The following SRPRA variants were observed in gnomAD, a reference collection of about 807,000 sequenced individuals.
SRPRA encodes the protein signal recognition particle receptor subunit alpha.
In SRPRA, 30 loss-of-function variants were observed where a neutral mutation model predicts 61.1. The ratio of observed to expected loss-of-function variants is 0.49; its 90% confidence interval spans 0.37 to 0.67. The LOEUF (loss-of-function observed/expected upper bound fraction) is 0.67. Ranked by LOEUF, SRPRA falls within the 30% of genes least tolerant of loss-of-function variation. The pLI is 0.00. For missense variants in SRPRA, 759 were observed against 828.4 expected (o/e 0.92, Z 1.03); for synonymous variants, 324 against 299.7 (o/e 1.08, Z -0.84).
Position 126,264,623 on chromosome 11 carries a change from G to A in SRPRA, c.1526-84C>T, listed in dbSNP as rs1472180685. The A allele has an allele frequency of 6.7e-7, 1 of 1,501,788 alleles. No individual in the cohort carries two copies. The highest frequency in any genetic ancestry group is 9.0e-7 in the Non-Finnish European group (1 of 1,106,516). 93.0% of individuals were successfully genotyped at this position (1,501,788 alleles called of 1,614,324 possible). A position where few individuals can be genotyped will look rare whatever the true frequency, so the allele number is the denominator to read the frequency against. ...GCTTCCTCTCAAAAAGTCCTAGTTT[G>A]ACTACCTGTTCACTGTCTTGGGCTC... is the stretch of plus-strand genomic sequence containing the variant. On this transcript the variant is annotated intron_variant, in intron 11 of 13. Transcript: ENST00000332118. This position sits in a 1 kb window ranked among gnomAD's most constrained non-coding sequence, Gnocchi z 5.0.
Position 126,267,708 on chromosome 11 carries a change from C to A in SRPRA, c.206G>T (p.Gly69Val), listed in dbSNP as rs1382605930. ...DNQFELVFVV[G>V]FQKILTLTYV... ...TGTCAGTGTCAGGATCTTCTGAAAA[C>A]CAACCTGTTTAGGGGAAGAAACAGC... Residue 69 changes from glycine to valine, a missense_variant, in exon 3 of 14, where the codon GGT (glycine) becomes GTT (valine). By Grantham distance (109) the Gly-to-Val change is moderately radical. Around this residue, in one of 2 missense-constraint regions of SRPRA, gnomAD observed 475 missense variants for 462.5 expected, o/e 1.03. Transcript: ENST00000332118. The surrounding 1 kb of genome is among the most constrained non-coding windows in gnomAD (Gnocchi z 4.2). The A allele has an allele frequency of 6.2e-7, 1 of 1,613,988 alleles. No homozygotes were observed. The highest frequency in any genetic ancestry group is 1.1e-5 in the South Asian group (1 of 91,078).
the SRPRA span, chr11:126,256,794 C>T: frequency 6.2e-6 from 10 of 1,612,226 alleles, no homozygotes; most frequent in Admixed American, 5.0e-5. The surrounding 1 kb of genome is among the most constrained non-coding windows in gnomAD (Gnocchi z 6.6). Context: ...ATGACTATGC[C>T]GATCTTCCAG....
In SRPRA at chr11:126,264,329, A is replaced by G. The variant is rs1950762873; in HGVS notation, c.1690-40T>C. 6.2e-7 allele frequency: 1 copy of G among 1,613,404 alleles called. No homozygotes were observed. The highest frequency in any genetic ancestry group is 8.5e-7 in the Non-Finnish European group (1 of 1,179,532). ...TGATAGAAGTGTAAGAACCATCTAA[A>G]TTGACCAAAGCTCAAGTTGTAAAGG... On this transcript the variant is annotated intron_variant, in intron 12 of 13. Transcript: ENST00000332118. The surrounding 1 kb of genome is among the most constrained non-coding windows in gnomAD (Gnocchi z 5.0).
At chr11:126,255,631 G>A in the SRPRA span, among the ~76,000 whole-genome samples, 1 of 152,182 alleles carries the variant, frequency 6.6e-6, no homozygotes, top group Non-Finnish European at 1.5e-5. The surrounding 1 kb of genome is among the most constrained non-coding windows in gnomAD (Gnocchi z 4.6). Flanking sequence ...GAAGGATTAA[G>A]ATATATGAAG....
At chr11:126,242,793 G>A in the SRPRA span, among the ~76,000 whole-genome samples, 1 of 152,230 alleles carries the variant, frequency 6.6e-6, no homozygotes, top group Non-Finnish European at 1.5e-5. Flanking sequence ...TGATGCAGTT[G>A]CTTTGGAAAA....
chr11:126,248,292 CAAGAA>C, the SRPRA span, among the ~76,000 whole-genome samples: 1 of 126,084 alleles, frequency 7.9e-6, no homozygotes, highest in Non-Finnish European at 1.6e-5. Flanking sequence ...TTTGGGTAGA[CAAGAA>C]AAGAGCACCA....
the SRPRA span, among the ~76,000 whole-genome samples, chr11:126,237,066 G>A: frequency 3.8e-5 from 5 of 130,834 alleles, no homozygotes; most frequent in Admixed American, 1.5e-4. Context: ...ACAGGCGCCC[G>A]CCACCATGCC....
rs1233556537 is a variant in SRPRA at position 126,264,018 on chromosome 11, G to A, written c.1815C>T (p.Tyr605=). Residue 605 remains tyrosine (Y), a synonymous_variant, in exon 14 of 14, where the codon TAC becomes TAT. Transcript: ENST00000332118. The surrounding 1 kb of genome is among the most constrained non-coding windows in gnomAD (Gnocchi z 5.0). ...DKVGAAISMT[Y]ITSKPIVFVG... is the part of the protein sequence containing the mutation. ...CAAAGACGATGGGTTTGCTTGTGATGTACGTCATAGAAATAGCAGCTCCCA... is the reference window on the plus strand; with the variant it reads ...CAAAGACGATGGGTTTGCTTGTGATATACGTCATAGAAATAGCAGCTCCCA... 1.2e-6 allele frequency: 2 copies of A among 1,614,152 alleles called. No individual in the cohort carries two copies. Among genetic ancestry groups the A allele is most frequent in the South Asian group, 2.2e-5 (2 of 91,084 alleles).
chr11:126,265,614 T>TA lies in SRPRA; in HGVS notation c.1138+122dup. 1 of 1,271,496 alleles carries TA rather than the reference T, an allele frequency of 7.9e-7. No individual in the cohort carries two copies. The highest frequency in any genetic ancestry group is 1.1e-6 in the Non-Finnish European group (1 of 899,734). The allele number at this position is 1,271,496 out of a possible 1,614,324, so 78.8% of individuals were successfully genotyped here. ...CTCACTGAATCCTCTCAATAACCCT[T>TA]AAAATCTAGGTTACAGAGGTTTAGA... On this transcript the variant is annotated intron_variant, in intron 9 of 13. Transcript: ENST00000332118. This position sits in a 1 kb window ranked among gnomAD's most constrained non-coding sequence, Gnocchi z 6.3.
chr11:126,262,533 T>C, downstream of SRPRA: 1 of 205,652 alleles, frequency 4.9e-6, no homozygotes, highest in Non-Finnish European at 9.7e-6. Context: ...TACTTGGTTT[T>C]TCAATTAAGC....
chr11:126,245,782 AGGTC>A, the SRPRA span, among the ~76,000 whole-genome samples: 5 of 152,142 alleles, frequency 3.3e-5, no homozygotes, highest in African/African-American at 1.2e-4. Context: ...GGATCACCTG[AGGTC>A]GGAAGTTCGA....
At chr11:126,241,195 C>A in the SRPRA span, 2 of 817,550 alleles carry the variant, frequency 2.4e-6, no homozygotes, top group Non-Finnish European at 3.7e-6. Flanking sequence ...GACTCTTCTG[C>A]GCAATGTCTG....
chr11:126,266,791 T>G lies in SRPRA; in HGVS notation c.658A>C (p.Lys220Gln). Reference protein sequence around the residue: ...IRRKREEFIQKHGRGMEKSNK... With the variant: ...IRRKREEFIQQHGRGMEKSNK... ...GACTTCTCCATACCCCTCCCATGCT[T>G]CTGAATGAACTCCTCGCGCTTCCTG... The change falls in exon 5 of 14, where the codon AAG becomes CAG. Residue 220 changes from lysine to glutamine, a missense_variant. Lys to Gln is a moderately conservative substitution (Grantham distance 53). Around this residue, in one of 2 missense-constraint regions of SRPRA, gnomAD observed 475 missense variants for 462.5 expected, o/e 1.03. Coordinates refer to ENST00000332118, the MANE Select transcript of SRPRA (RefSeq NM_003139.4). 6.2e-7 allele frequency: 1 copy of G among 1,614,190 alleles called. No individual in the cohort carries two copies. The highest frequency in any genetic ancestry group is 8.5e-7 in the Non-Finnish European group (1 of 1,180,040).
chr11:126,265,776 C>T lies in SRPRA; in HGVS notation c.1099G>A (p.Ala367Thr), dbSNP rs1950797350. 2 of 1,614,084 alleles carry T rather than the reference C, an allele frequency of 1.2e-6. No individual in the cohort carries two copies. Among genetic ancestry groups the T allele is most frequent in the African/African-American group, 1.3e-5 (1 of 74,922 alleles). The change falls in exon 9 of 14, where the codon GCC becomes ACC. Residue 367 changes from alanine to threonine, a missense_variant. Coordinates refer to ENST00000332118, the MANE Select transcript of SRPRA (RefSeq NM_003139.4). This position sits in a 1 kb window ranked among gnomAD's most constrained non-coding sequence, Gnocchi z 6.3. Reference sequence around the variant, plus strand: ...ATCACCTTCCCTTCCAACTTGTTGGCAACAGATTCACAGAGCTGGACGGCA... The same window carrying T: ...ATCACCTTCCCTTCCAACTTGTTGGTAACAGATTCACAGAGCTGGACGGCA... ...DIAVQLCESV[A>T]NKLEGKVMGT...
chr11:126,267,661 C>G lies in SRPRA; in HGVS notation c.253G>C (p.Asp85His). 6.2e-7 allele frequency: 1 copy of G among 1,614,152 alleles called. No individual in the cohort carries two copies. Among genetic ancestry groups the G allele is most frequent in the South Asian group, 1.1e-5 (1 of 91,084 alleles). ...TTGTCCCGAAACAGCCGATGCACGT[C>G]ATCTATCAATTTGTCTACATATGTC... ...TLTYVDKLIDDVHRLFRDKYR... is the reference protein window; with the variant it reads ...TLTYVDKLIDHVHRLFRDKYR... The change falls in exon 3 of 14, where the codon GAC becomes CAC. Residue 85 changes from aspartate to histidine, a missense_variant. This residue lies in a region of SRPRA where 475 missense variants were observed against 462.5 expected (regional missense o/e 1.03). Coordinates refer to ENST00000332118, the MANE Select transcript of SRPRA (RefSeq NM_003139.4). This position sits in a 1 kb window ranked among gnomAD's most constrained non-coding sequence, Gnocchi z 4.2.
downstream of SRPRA, among the ~76,000 whole-genome samples, chr11:126,258,491 T>G (rs533977586): frequency 2.0e-5 from 3 of 152,342 alleles, no homozygotes; most frequent in Non-Finnish European, 4.4e-5. Context: ...AGTAGAATTC[T>G]CCTGTAATGA....
the SRPRA span, among the ~76,000 whole-genome samples, chr11:126,248,166 AAAAAT>A: frequency 1.6e-3 from 246 of 150,334 alleles, no homozygotes; most frequent in Non-Finnish European, 3.0e-3. Context: ...AAAATAAATA[AAAAAT>A]AAAATAAAAT....
the SRPRA span, among the ~76,000 whole-genome samples, chr11:126,251,863 G>T: frequency 1.9e-4 from 29 of 151,350 alleles, no homozygotes; most frequent in Non-Finnish European, 3.8e-4. Flanking sequence ...TGTATTTTTG[G>T]TAGAGACGGG....
Position 126,265,084 on chromosome 11 carries a change from G to T in SRPRA, c.1400C>A (p.Thr467Lys). 6.2e-7 allele frequency: 1 copy of T among 1,614,124 alleles called. No individual in the cohort carries two copies. Among genetic ancestry groups the T allele is most frequent in the Non-Finnish European group, 8.5e-7 (1 of 1,180,028 alleles). Residue 467 changes from threonine (T) to lysine (K), a missense_variant, in exon 11 of 14, where the codon ACA becomes AAA. This residue lies in a region of SRPRA where 284 missense variants were observed against 365.9 expected (regional missense o/e 0.78). Coordinates refer to ENST00000332118, the MANE Select transcript of SRPRA (RefSeq NM_003139.4). This position sits in a 1 kb window ranked among gnomAD's most constrained non-coding sequence, Gnocchi z 6.3. ...FRAGAVEQLR[T>K]HTRRLSALHP... ...TAGGGCACTCAAACGCCGGGTGTGT[G>T]TACGCAGCTGCTCCACGGCCCCAGC...
Sources: gnomAD v4.1 joint callset for allele counts (sites outside exome capture counted in the v4.1 genomes callset) on GRCh38, gnomAD v4.1.1 for gene constraint, gnomAD v4.1.1 regional missense constraint, Gnocchi (gnomAD v3.1) non-coding constraint, MANE v1.5 for transcripts, NCBI Gene and HGNC (gene_info 2026-07-23, HGNC 2026-07-21) for gene names.